CWC25: variants seen among roughly 807,000 people sequenced by gnomAD.
CWC25 encodes the protein CWC25 spliceosome associated protein.
CWC25 carries 31 observed loss-of-function variants against 54.6 expected under a neutral mutation model. The observed-to-expected ratio is 0.57, with a 90% CI of 0.43 to 0.77. CWC25 has a LOEUF of 0.77. Ranked by LOEUF, CWC25 falls within the 30% of genes least tolerant of loss-of-function variation. The pLI is 0.00. For synonymous variants in CWC25, 151 were observed against 187.0 expected, an observed-to-expected ratio of 0.81 and a Z score of 1.57; for missense variants, 453 against 529.3, an observed-to-expected ratio of 0.86 and a Z score of 1.41.
At chr17:38,821,474 C>A (rs1346126799) in intron 1 of CWC25, among the ~76,000 whole-genome samples, 1 of 152,172 alleles carries the variant, frequency 6.6e-6, no homozygotes, top group Non-Finnish European at 1.5e-5. Flanking sequence ...GCAGGAGAAT[C>A]GCTTGAACCA....
chr17:38,802,686 G>A lies in CWC25; in HGVS notation c.1163+14C>T, dbSNP rs1224108607. 3 of 1,613,558 alleles carry A rather than the reference G, an allele frequency of 1.9e-6. No individual in the cohort carries two copies. Among genetic ancestry groups the A allele is most frequent in the Admixed American group, 1.7e-5 (1 of 59,954 alleles). Reference sequence around the variant, plus strand: ...TCCCCATGAAAGACCCTGGCAGGAAGAAGATGCACTCACTGGATGAACTTC... The same window carrying A: ...TCCCCATGAAAGACCCTGGCAGGAAAAAGATGCACTCACTGGATGAACTTC... On this transcript the variant is annotated intron_variant, in intron 9 of 9. Coordinates refer to ENST00000614790, the MANE Select transcript of CWC25 (RefSeq NM_017748.5).
At chr17:38,804,254 C>T (rs1911139854) in intron 8 of CWC25, among the ~76,000 whole-genome samples, 1 of 152,046 alleles carries the variant, frequency 6.6e-6, no homozygotes, top group South Asian at 2.1e-4. Flanking sequence ...AATCCACATA[C>T]TCACTGAACC....
chr17:38,809,605 C>G (rs1911402840), intron 6 of CWC25, 97 bp downstream of exon 6: 1 of 1,134,682 alleles, frequency 8.8e-7, no homozygotes. Context: ...TTCCCAGCAG[C>G]CCAGGCTTCA....
At chr17:38,819,531 T>C (rs1395503179) in intron 2 of CWC25, among the ~76,000 whole-genome samples, 4 of 151,414 alleles carry the variant, frequency 2.6e-5, no homozygotes, top group Non-Finnish European at 5.9e-5. Flanking sequence ...CACGCCCAGT[T>C]AATTTTTTTT....
Position 38,802,808 on chromosome 17 carries a change from GC to G in CWC25, c.1054del (p.Ala352ProfsTer9). ...ERKRQEMMEN[A>X]KWREEERLNI... The stretch of plus-strand genomic sequence containing the variant: ...CAGTCTCTCCTCCTCCCTCCATTTG[GC>G]GTTTTCCATCATCTCTTGCCGTTTT... On this transcript the variant is annotated frameshift_variant, in exon 9 of 10. Coordinates refer to ENST00000614790, the MANE Select transcript of CWC25 (RefSeq NM_017748.5). LOFTEE classifies it high-confidence loss of function. The G allele has an allele frequency of 2.5e-6, 4 of 1,613,922 alleles. No homozygotes were observed. Among genetic ancestry groups the G allele is most frequent in the Non-Finnish European group, 3.4e-6 (4 of 1,179,900 alleles).
chr17:38,807,212 A>G (rs1911284812), intron 6 of CWC25, among the ~76,000 whole-genome samples: 3 of 149,238 alleles, frequency 2.0e-5, no homozygotes, highest in African/African-American at 4.9e-5. Flanking sequence ...AATCCCAGCT[A>G]CTCAGAAGGC....
chr17:38,816,551 C>T (rs1403137433), intron 2 of CWC25, among the ~76,000 whole-genome samples: 3 of 152,004 alleles, frequency 2.0e-5, no homozygotes, highest in Non-Finnish European at 4.4e-5. Context: ...CATGCCCAAC[C>T]TGAATATGAC....
chr17:38,802,588 G>A, intron 9 of CWC25, 112 bp downstream of exon 9: 1 of 1,245,852 alleles, frequency 8.0e-7, no homozygotes, highest in Admixed American at 2.3e-5. Context: ...AAGGTGGTCT[G>A]AAGGCTGGGC....
intron 8 of CWC25, among the ~76,000 whole-genome samples, 153 bp from the exon 9 acceptor site, chr17:38,803,014 G>T (rs1444879432): frequency 6.6e-6 from 1 of 152,164 alleles, no homozygotes; most frequent in Non-Finnish European, 1.5e-5. Context: ...TAACGTCCTG[G>T]TCAGGAGGTT....
At chr17:38,818,452 C>T (rs182104313) in intron 2 of CWC25, among the ~76,000 whole-genome samples, 9,294 of 150,750 alleles carry the variant, frequency 0.062, 984 homozygotes, top group African/African-American at 0.22. Context: ...ATTAGCCGGG[C>T]GTGGTGGCGG....
chr17:38,820,799 C>A, intron 2 of CWC25, 102 bp downstream of exon 2: 3 of 1,347,104 alleles, frequency 2.2e-6, no homozygotes, highest in Non-Finnish European at 3.0e-6. Flanking sequence ...GCATTACAAC[C>A]CATGCCCTTA....
At chr17:38,820,761 AG>A in intron 2 of CWC25, 139 bp downstream of exon 2, 1 of 1,043,574 alleles carries the variant, frequency 9.6e-7, no homozygotes. Context: ...GTACATGCAA[AG>A]CCAACCTTAG....
chr17:38,812,874 G>C lies in CWC25; in HGVS notation c.429-10C>G. On this transcript the variant is annotated splice_polypyrimidine_tract_variant and intron_variant, in intron 3 of 9. Transcript: ENST00000614790. ...CTCCTCCTCCTTCTTCCTAAAGAGA[G>C]ATAATTACAAAATTCATGACTATTT... The C allele has an allele frequency of 7.0e-7, 1 of 1,430,294 alleles. No homozygotes were observed. The highest frequency in any genetic ancestry group is 9.6e-7 in the Non-Finnish European group (1 of 1,040,142). 88.6% of individuals were successfully genotyped at this position (1,430,294 alleles called of 1,614,324 possible). A position where few individuals can be genotyped will look rare whatever the true frequency, so the allele number is the denominator to read the frequency against.
intron 7 of CWC25, 173 bp from the exon 8 acceptor site, chr17:38,806,568 GA>G: frequency 2.7e-6 from 2 of 733,332 alleles, no homozygotes; most frequent in Admixed American, 2.9e-5. Context: ...CCAAAGCACA[GA>G]ATACACCTAC....
In CWC25 at chr17:38,809,677, CCTTTCA is replaced by C; in HGVS notation, c.690+19_690+24del. On this transcript the variant is annotated intron_variant, in intron 6 of 9. Coordinates refer to ENST00000614790, the MANE Select transcript of CWC25 (RefSeq NM_017748.5). ...CACATCCCACAGTCCCACAGTCACT[CCTTTCA>C]AGAAGCCCACATCCCTACCTGTAAG... is the stretch of plus-strand genomic sequence containing the variant. The C allele has an allele frequency of 1.2e-6, 2 of 1,611,308 alleles. No homozygotes were observed. The highest frequency in any genetic ancestry group is 1.7e-6 in the Non-Finnish European group (2 of 1,177,988).
intron 2 of CWC25, among the ~76,000 whole-genome samples, chr17:38,819,263 G>A (rs1911827668): frequency 6.7e-6 from 1 of 148,928 alleles, no homozygotes; most frequent in Admixed American, 6.7e-5. Flanking sequence ...GCAATGGCGT[G>A]ATCTCAGCTC....
chr17:38,808,940 C>T (rs780475381), intron 6 of CWC25, among the ~76,000 whole-genome samples: 47 of 125,552 alleles, frequency 3.7e-4, no homozygotes, highest in Non-Finnish European at 6.2e-4. Context: ...GAGCAAAACT[C>T]CACCTCAAAA....
rs1911452669 is a variant in CWC25 at position 38,810,788 on chromosome 17, T to A, written c.499-193A>T. Among the ~76,000 whole-genome samples the A allele has an allele frequency of 5.9e-5, 9 of 151,486 alleles. No individual in the cohort carries two copies. The South Asian group carries it at 1.9e-3, about 32-fold the overall frequency. The stretch of plus-strand genomic sequence containing the variant: ...AAATACAAAAATCAGCTGGGTGTGG[T>A]GGTGGGCACCTGTAATACCAGCTAC... On this transcript the variant is annotated intron_variant, in intron 4 of 9. Transcript: ENST00000614790.
rs751273167 is a variant in CWC25 at position 38,810,553 on chromosome 17, CCTTCTTTTTCTTCTT to C, written c.526_540del (p.Lys176_Lys180del). 13 of 1,576,874 alleles carry C rather than the reference CCTTCTTTTTCTTCTT, an allele frequency of 8.2e-6. No individual in the cohort carries two copies. Among genetic ancestry groups the C allele is most frequent in the Non-Finnish European group, 1.1e-5 (13 of 1,156,654 alleles). ...TGTTTCTTGTGCTTCTTTTTCTTCT[CCTTCTTTTTCTTCTT>C]CTCCTTTTTTTCCAGACTCATTTGC... On this transcript the variant is annotated inframe_deletion, in exon 5 of 10. Transcript: ENST00000614790.
Sources: gnomAD v4.1 joint callset for allele counts (sites outside exome capture counted in the v4.1 genomes callset) on GRCh38, gnomAD v4.1.1 for gene constraint, MANE v1.5 for transcripts, NCBI Gene and HGNC (gene_info 2026-07-23, HGNC 2026-07-21) for gene names.